SCN11A: variants seen among roughly 807,000 people sequenced by gnomAD.
SCN11A encodes sodium voltage-gated channel alpha subunit 11, also known as sodium channel protein type 11 subunit alpha.
In SCN11A, 122 loss-of-function variants were observed where a neutral mutation model predicts 162.2. The ratio of observed to expected loss-of-function variants is 0.75; its 90% CI spans 0.65 to 0.87. The LOEUF (loss-of-function observed/expected upper bound fraction) is 0.87, where lower values mean the gene tolerates loss of function less well. SCN11A is among the 40% of genes least tolerant of loss of function. The probability of loss-of-function intolerance (pLI) is 0.00; values close to 1 mark genes in which losing one functional copy is unlikely to be tolerated. For synonymous variants in SCN11A, 758 were observed against 751.5 expected (o/e 1.01, Z -0.14); for missense variants, 2,015 against 2,181.6 (o/e 0.92, Z 1.52).
intron 7 of SCN11A, among the ~76,000 whole-genome samples, chr3:38,935,729 T>C (rs575975062): frequency 1.7e-3 from 253 of 152,220 alleles, no homozygotes; most frequent in African/African-American, 5.7e-3. Flanking sequence ...ACTGTGGCAA[T>C]AGCTTACCAA....
chr3:38,914,725 C>T (rs987042535), intron 11 of SCN11A, among the ~76,000 whole-genome samples: 13 of 152,228 alleles, frequency 8.5e-5, no homozygotes, highest in Admixed American at 7.9e-4. Context: ...AAAGCCTTTT[C>T]TGCAACTATT....
chr3:38,886,289 T>C (rs769374747), intron 19 of SCN11A, 51 bp from the exon 20 acceptor site: 21 of 1,236,626 alleles, frequency 1.7e-5, no homozygotes, highest in Middle Eastern at 5.6e-4. Flanking sequence ...GACATGTCAC[T>C]TAAGATGAAA....
chr3:39,009,729 TG>T (rs934955640), intron 2 of SCN11A, among the ~76,000 whole-genome samples: 8 of 150,454 alleles, frequency 5.3e-5, no homozygotes, highest in African/African-American at 2.0e-4. Flanking sequence ...CAGGCTGGAG[TG>T]CAGTAGCATG....
At position 38,951,932 on chromosome 3, in the gene SCN11A, A is replaced by C. The variant is rs372835629; in HGVS notation, c.-7-1563T>G. ...TAAGAGAATAAAATCAGGCTGCTGGAGCCAGCAGTGGCAACCCGCTGGGGT... is the reference window on the plus strand; with the variant it reads ...TAAGAGAATAAAATCAGGCTGCTGGCGCCAGCAGTGGCAACCCGCTGGGGT... On this transcript the variant is annotated intron_variant, in intron 4 of 29. Coordinates refer to ENST00000302328, the MANE Select transcript of SCN11A (RefSeq NM_001349253.2). Among the ~76,000 whole-genome samples, 171 of 152,254 alleles carry C rather than the reference A, an allele frequency of 1.1e-3. 1 individual carries two copies. The East Asian group carries it at 0.026, about 23-fold the overall frequency.
intron 7 of SCN11A, among the ~76,000 whole-genome samples, chr3:38,934,713 C>T (rs1196911767): frequency 6.6e-6 from 1 of 151,718 alleles, no homozygotes; most frequent in Non-Finnish European, 1.5e-5. Context: ...TACAGGAGCA[C>T]CCAGATTCAT....
chr3:39,030,557 C>T (rs1482567030), intron 2 of SCN11A, among the ~76,000 whole-genome samples: 5 of 152,134 alleles, frequency 3.3e-5, no homozygotes, highest in Admixed American at 1.3e-4. Flanking sequence ...ACTGAAGTTA[C>T]GTTTTCTATC....
At position 38,925,404 on chromosome 3, in the gene SCN11A, G is replaced by A. The variant is rs375541505; in HGVS notation, c.712+11C>T. The A allele has an allele frequency of 6.4e-7, 1 of 1,571,938 alleles. No homozygotes were observed. ...AGATAGGAGCCAGTGTGGAAAGTGA[G>A]AGTGACTTACGTGAAACTACTGAAA... On this transcript the variant is annotated intron_variant, in intron 9 of 29. Coordinates refer to ENST00000302328, the MANE Select transcript of SCN11A (RefSeq NM_001349253.2).
At chr3:39,042,975 A>G (rs1330306183) in intron 1 of SCN11A, among the ~76,000 whole-genome samples, 18 of 55,600 alleles carry the variant, frequency 3.2e-4, no homozygotes, top group East Asian at 2.7e-3. Context: ...AAAAAAAAAA[A>G]AAAAGAAAAA....
intron 2 of SCN11A, among the ~76,000 whole-genome samples, chr3:39,003,685 G>C (rs543883869): frequency 1.2e-4 from 18 of 152,266 alleles, no homozygotes; most frequent in Non-Finnish European, 2.2e-4. Flanking sequence ...AACCTCACCA[G>C]CATCTGTTCT....
intron 3 of SCN11A, among the ~76,000 whole-genome samples, chr3:38,957,607 C>T (rs940748797): frequency 1.3e-5 from 2 of 152,164 alleles, no homozygotes; most frequent in Non-Finnish European, 1.5e-5. Context: ...AGCCCAGGGG[C>T]CAGTCTTGCA....
chr3:39,004,823 T>G lies in SCN11A; in HGVS notation c.-280+27557A>C, dbSNP rs543072439. Reference sequence around the variant, plus strand: ...TTTTTCTTTCCACTCTTCATACATATAATTCTATATCTTCTGCTTCAGTCT... The same window carrying G: ...TTTTTCTTTCCACTCTTCATACATAGAATTCTATATCTTCTGCTTCAGTCT... On this transcript the variant is annotated intron_variant, in intron 2 of 29. Coordinates refer to ENST00000302328, the MANE Select transcript of SCN11A (RefSeq NM_001349253.2). Among the ~76,000 whole-genome samples, 3 of 152,334 alleles carry G rather than the reference T, an allele frequency of 2.0e-5. 1 individual carries two copies. The South Asian group carries it at 6.2e-4, about 32-fold the overall frequency.
intron 21 of SCN11A, among the ~76,000 whole-genome samples, chr3:38,884,107 A>G (rs879346152): frequency 6.6e-6 from 1 of 152,180 alleles, no homozygotes; most frequent in Non-Finnish European, 1.5e-5. Context: ...CATGATGATT[A>G]TAACATTCTG....
Position 38,926,825 on chromosome 3 carries a change from C to A in SCN11A, c.595G>T (p.Asp199Tyr). 6.2e-7 allele frequency: 1 copy of A among 1,613,756 alleles called. No individual in the cohort carries two copies. Among genetic ancestry groups the A allele is most frequent in the Non-Finnish European group, 8.5e-7 (1 of 1,179,722 alleles). Residue 199 changes from aspartate to tyrosine, a missense_variant, in exon 8 of 30, where the codon GAC becomes TAC. Physicochemically the swap from Asp to Tyr is radical, Grantham distance 160 (BLOSUM62 -3). Coordinates refer to ENST00000302328, the MANE Select transcript of SCN11A (RefSeq NM_001349253.2). ...SFLRDPWNWL[D>Y]SIVIGIAIVS... The stretch of plus-strand genomic sequence containing the variant: ...TACGCTATTCCAATGACAATGGAGT[C>A]CAGCCAGTTCCATGGATCTCGAAGG...
intron 2 of SCN11A, among the ~76,000 whole-genome samples, chr3:39,024,145 A>G (rs2031527963): frequency 6.6e-6 from 1 of 152,244 alleles, no homozygotes; most frequent in Non-Finnish European, 1.5e-5. Flanking sequence ...TCATTTAGTC[A>G]AAGTTTTACA....
At chr3:38,870,770 A>G (rs1040786778) in intron 25 of SCN11A, 26 bp from the exon 26 acceptor site, 5 of 1,603,444 alleles carry the variant, frequency 3.1e-6, no homozygotes, top group Non-Finnish European at 4.3e-6. Context: ...AAAAACATGA[A>G]TAATACAAAT....
At chr3:38,867,232 G>A (rs2065054527) in intron 27 of SCN11A, 89 bp downstream of exon 27, 3 of 1,284,490 alleles carry the variant, frequency 2.3e-6, no homozygotes, top group South Asian at 1.3e-5. Flanking sequence ...AGGCTACTTT[G>A]TATAACATTC....
At chr3:38,862,601 T>A (rs1303827997) in intron 28 of SCN11A, among the ~76,000 whole-genome samples, 2 of 152,156 alleles carry the variant, frequency 1.3e-5, no homozygotes, top group Non-Finnish European at 2.9e-5. Flanking sequence ...GCAACCTGGA[T>A]GGAGTTGGAG....
At position 38,894,966 on chromosome 3, in the gene SCN11A, T is replaced by C. The variant is rs762477812; in HGVS notation, c.2404-2A>G. The C allele has an allele frequency of 6.3e-7, 1 of 1,595,480 alleles. No homozygotes were observed. The highest frequency in any genetic ancestry group is 8.6e-7 in the Non-Finnish European group (1 of 1,168,276). On this transcript the variant is annotated splice_acceptor_variant, in intron 18 of 29. Transcript: ENST00000302328. LOFTEE classifies it high-confidence loss of function. ...TAAGGCAATGAAGAGGTTGAGCACC[T>C]GGGAATGGGGTGGGTAGCAAGAAGA...
intron 16 of SCN11A, among the ~76,000 whole-genome samples, chr3:38,903,074 T>C (rs1300774484): frequency 6.6e-6 from 1 of 152,194 alleles, no homozygotes; most frequent in African/African-American, 2.4e-5. Context: ...AAACAGCATT[T>C]ATTATTTTTT....
Sources: allele counts gnomAD v4.1 joint callset (sites outside exome capture counted in the v4.1 genomes callset), GRCh38; gene constraint gnomAD v4.1.1; transcripts MANE v1.5; gene names NCBI Gene and HGNC (gene_info 2026-07-23, HGNC 2026-07-21).